Variants in RAB3GAP2 observed in about 807,000 individuals in gnomAD.
The protein encoded by RAB3GAP2 is RAB3 GTPase activating non-catalytic protein subunit 2.
Under a neutral mutation model 185.3 loss-of-function variants are expected in RAB3GAP2, and 87 were observed. That is an observed-to-expected ratio of 0.47 (90% CI 0.39 to 0.56). The LOEUF (loss-of-function observed/expected upper bound fraction) is 0.56, where lower values mean the gene tolerates loss of function less well. RAB3GAP2 is among the 20% of genes least tolerant of loss of function. The probability of loss-of-function intolerance (pLI) is 0.00; values close to 1 mark genes in which losing one functional copy is unlikely to be tolerated. For missense variants in RAB3GAP2, 1,492 were observed against 1,638.2 expected (o/e 0.91, Z 1.54); for synonymous variants, 554 against 576.1 (o/e 0.96, Z 0.55).
At position 220,254,528 on chromosome 1, in the gene RAB3GAP2, G is replaced by C. The variant is rs1558172347; in HGVS notation, c.115+17695C>G. The C allele has an allele frequency of 1.9e-6, 3 of 1,612,920 alleles. No homozygotes were observed. In the Admixed American group the frequency reaches 5.0e-5, roughly 27 times the overall value. On this transcript the variant is annotated intron_variant, in intron 1 of 34. Coordinates refer to ENST00000358951, the MANE Select transcript of RAB3GAP2 (RefSeq NM_012414.4). Reference sequence around the variant, plus strand: ...GAAGTGGCTCCTCCTGAGTACCATCGGAAAGCTGTGTGAGAGGCACTCTCA... The same window carrying C: ...GAAGTGGCTCCTCCTGAGTACCATCCGAAAGCTGTGTGAGAGGCACTCTCA...
chr1:220,254,523 C>T, intron 1 of RAB3GAP2: 4 of 1,613,198 alleles, frequency 2.5e-6, no homozygotes, highest in Non-Finnish European at 3.4e-6. Flanking sequence ...CTCCTGAGTA[C>T]CATCGGAAAG....
chr1:220,202,143 T>C (rs148422420), intron 9 of RAB3GAP2, 133 bp downstream of exon 9: 2 of 983,116 alleles, frequency 2.0e-6, no homozygotes, highest in African/African-American at 3.3e-5. Flanking sequence ...CCTGCCTGGG[T>C]GACAGAGCAA....
At chr1:220,160,105 A>G (rs1291733092) in intron 28 of RAB3GAP2, among the ~76,000 whole-genome samples, 1 of 152,190 alleles carries the variant, frequency 6.6e-6, no homozygotes, top group African/African-American at 2.4e-5. Context: ...CTTGTTGATA[A>G]AGGCACAATT....
intron 1 of RAB3GAP2, among the ~76,000 whole-genome samples, chr1:220,234,549 T>C (rs61277111): frequency 0.025 from 3,740 of 152,310 alleles, 155 homozygotes; most frequent in African/African-American, 0.086. Flanking sequence ...GCACAATTTA[T>C]AGAAGAGTTC....
intron 12 of RAB3GAP2, among the ~76,000 whole-genome samples, chr1:220,194,604 GCTGGT>G (rs893350002): frequency 2.0e-5 from 3 of 152,176 alleles, no homozygotes; most frequent in African/African-American, 7.2e-5. Flanking sequence ...TGTTGAGCAG[GCTGGT>G]GTCAAACTCC....
chr1:220,182,160 T>C, intron 21 of RAB3GAP2, 97 bp downstream of exon 21: 7 of 1,572,176 alleles, frequency 4.5e-6, no homozygotes, highest in Non-Finnish European at 6.0e-6. Flanking sequence ...CATTCTGTGA[T>C]ATCCTAAAAG....
chr1:220,260,469 A>C (rs1660112797), intron 1 of RAB3GAP2, among the ~76,000 whole-genome samples: 1 of 152,228 alleles, frequency 6.6e-6, no homozygotes, highest in African/African-American at 2.4e-5. Flanking sequence ...GTTGGAGGCC[A>C]TTATTCTCAG....
chr1:220,209,459 G>A (rs1013686432), intron 7 of RAB3GAP2, among the ~76,000 whole-genome samples: 1 of 151,500 alleles, frequency 6.6e-6, no homozygotes, highest in African/African-American at 2.4e-5. Context: ...TGCAAATCTC[G>A]CCTCATCAAT....
intron 1 of RAB3GAP2, among the ~76,000 whole-genome samples, chr1:220,262,850 T>C (rs999418409): frequency 3.9e-5 from 6 of 152,228 alleles, no homozygotes; most frequent in African/African-American, 1.4e-4. Context: ...CTGGATCATA[T>C]AATTTTTTTA....
intron 33 of RAB3GAP2, 54 bp downstream of exon 33, chr1:220,153,131 C>T (rs1657793196): frequency 1.5e-6 from 2 of 1,359,596 alleles, no homozygotes; most frequent in Admixed American, 3.4e-5. Context: ...TTCTTTATTC[C>T]AACTATCAAT....
At chr1:220,227,718 C>T (rs1659426524) in intron 2 of RAB3GAP2, among the ~76,000 whole-genome samples, 2 of 152,192 alleles carry the variant, frequency 1.3e-5, no homozygotes. Flanking sequence ...AAACCAATGG[C>T]AACTGGTGGA....
intron 27 of RAB3GAP2, among the ~76,000 whole-genome samples, chr1:220,164,139 C>T (rs999951215): frequency 3.3e-4 from 51 of 152,276 alleles, no homozygotes; most frequent in African/African-American, 1.1e-3. Context: ...CATTATAAGA[C>T]GCACAAGATA....
intron 14 of RAB3GAP2, 135 bp downstream of exon 14, chr1:220,190,932 AG>A: frequency 1.1e-6 from 1 of 884,086 alleles, no homozygotes; most frequent in Non-Finnish European, 1.8e-6. Flanking sequence ...AGGCACTCAC[AG>A]GAAAAACCAC....
In RAB3GAP2 at chr1:220,185,640, A is replaced by C; in HGVS notation, c.1870+11T>G. On this transcript the variant is annotated intron_variant, in intron 18 of 34. Coordinates refer to ENST00000358951, the MANE Select transcript of RAB3GAP2 (RefSeq NM_012414.4). ...AAGAACATAACCTCCAATCAGTACA[A>C]ACCCTATTACCTTGACTTTTTAAAG... 6.3e-7 allele frequency: 1 copy of C among 1,590,782 alleles called. No individual in the cohort carries two copies. Among genetic ancestry groups the C allele is most frequent in the Non-Finnish European group, 8.6e-7 (1 of 1,159,280 alleles).
intron 2 of RAB3GAP2, among the ~76,000 whole-genome samples, chr1:220,215,193 A>G (rs1659168140): frequency 6.6e-6 from 1 of 151,884 alleles, no homozygotes; most frequent in Non-Finnish European, 1.5e-5. Flanking sequence ...TAAATTCCTC[A>G]GTTTGTGTGG....
chr1:220,221,620 G>A lies in RAB3GAP2; in HGVS notation c.181-7641C>T, dbSNP rs372977283. 1.3e-4 allele frequency among the ~76,000 whole-genome samples: 20 copies of A among 152,072 alleles called. 1 individual carries two copies. In the South Asian group the frequency reaches 4.2e-3, roughly 32 times the overall value. ...GGCCTAAACTTCAAGAATTTTTTTTGAATTAAGACCAGTAAAAAAGTTTTC... is the reference window on the plus strand; with the variant it reads ...GGCCTAAACTTCAAGAATTTTTTTTAAATTAAGACCAGTAAAAAAGTTTTC... On this transcript the variant is annotated intron_variant, in intron 2 of 34. Coordinates refer to ENST00000358951, the MANE Select transcript of RAB3GAP2 (RefSeq NM_012414.4).
rs376690388 is a variant in RAB3GAP2, at chr1:220,167,281, C to A, written c.3087+12G>T. 1 of 1,600,336 alleles carries A rather than the reference C, an allele frequency of 6.2e-7. No homozygotes were observed. The highest frequency in any genetic ancestry group is 1.1e-5 in the South Asian group (1 of 90,786). The stretch of plus-strand genomic sequence containing the variant: ...AGCAGAAATAACATGAAAGAGGTAA[C>A]GAGAATCTTACCTCTGGATCTTTAT... On this transcript the variant is annotated intron_variant, in intron 26 of 34. Transcript: ENST00000358951.
At chr1:220,236,024 T>C (rs1183292282) in intron 1 of RAB3GAP2, among the ~76,000 whole-genome samples, 5 of 152,222 alleles carry the variant, frequency 3.3e-5, no homozygotes, top group Non-Finnish European at 5.9e-5. Flanking sequence ...ACAGCACTAT[T>C]ATTCAGCTAA....
intron 17 of RAB3GAP2, among the ~76,000 whole-genome samples, chr1:220,188,656 A>G (rs1218460352): frequency 6.6e-6 from 1 of 152,230 alleles, no homozygotes; most frequent in East Asian, 1.9e-4. Flanking sequence ...GTACAGTTGA[A>G]GAAGCTCACA....
Sources: allele counts gnomAD v4.1 joint callset (sites outside exome capture counted in the v4.1 genomes callset), GRCh38; gene constraint gnomAD v4.1.1; transcripts MANE v1.5; gene names NCBI Gene and HGNC (gene_info 2026-07-23, HGNC 2026-07-21).